The following ATP1B2 variants were observed in gnomAD, a reference collection of about 807,000 sequenced individuals.
ATP1B2 encodes ATPase Na+/K+ transporting subunit beta 2.
ATP1B2 carries 12 observed loss-of-function variants against 37.3 expected under a neutral mutation model. That is an observed-to-expected ratio of 0.32 (90% CI 0.21 to 0.52). The LOEUF is 0.52. Among genes scored for constraint, ATP1B2 ranks in the 20% least tolerant of loss-of-function variants. The pLI, the probability that ATP1B2 is intolerant of heterozygous loss-of-function variation, is 0.96. For synonymous variants in ATP1B2, 139 were observed against 140.5 expected, an observed-to-expected ratio of 0.99 and a Z score of 0.07; for missense variants, 324 against 391.6, an observed-to-expected ratio of 0.83 and a Z score of 1.46.
chr17:7,652,313 G>T (rs933659084), intron 1 of ATP1B2, among the ~76,000 whole-genome samples: 4 of 151,750 alleles, frequency 2.6e-5, no homozygotes, highest in African/African-American at 9.7e-5. Flanking sequence ...GGCTGACCAT[G>T]GCAGGACTCA....
upstream of ATP1B2, among the ~76,000 whole-genome samples, chr17:7,649,969 G>C (rs747003200): frequency 6.6e-6 from 1 of 152,192 alleles, no homozygotes; most frequent in Admixed American, 6.6e-5. Flanking sequence ...TGGGATTACA[G>C]GCATAAGCCA....
At position 7,655,005 on chromosome 17, in the gene ATP1B2, T is replaced by A. The variant is rs1408015827; in HGVS notation, c.609+321T>A. On this transcript the variant is annotated intron_variant, in intron 5 of 6. Coordinates refer to ENST00000250111, the MANE Select transcript of ATP1B2 (RefSeq NM_001678.5). This position sits in a 1 kb window ranked among gnomAD's most constrained non-coding sequence, Gnocchi z 4.4. ...TTCTCCTTCATTCCCAGATTGTCCG[T>A]ATCGTTCGCTCTCCCTCCCATATGG... Among the ~76,000 whole-genome samples the A allele has an allele frequency of 6.6e-6, 1 of 152,100 alleles. No homozygotes were observed. Among genetic ancestry groups the A allele is most frequent in the Non-Finnish European group, 1.5e-5 (1 of 68,010 alleles).
intron 2 of ATP1B2, 124 bp from the exon 3 acceptor site, chr17:7,653,717 A>G: frequency 8.0e-7 from 1 of 1,251,948 alleles, no homozygotes; most frequent in South Asian, 1.4e-5. Flanking sequence ...TCACCCTCCC[A>G]TGAAGACGAT....
Position 7,651,310 on chromosome 17 carries a change from C to A in ATP1B2, c.-209C>A. 2 of 574,886 alleles carry A rather than the reference C, an allele frequency of 3.5e-6. No homozygotes were observed. The highest frequency in any genetic ancestry group is 6.2e-6 in the Non-Finnish European group (2 of 321,442). 35.6% of individuals were successfully genotyped at this position (574,886 alleles called of 1,614,324 possible). ...TCATCGCAGTTGGGGGGCCTAGGAT[C>A]GGTGCATCTTCCGCCGCGCTGCCAG... On this transcript the variant is annotated 5_prime_UTR_variant, in exon 1 of 7. Transcript: ENST00000250111.
rs1229668658 is a variant in ATP1B2, at chr17:7,656,602, AG to A, written c.*709del. The A allele has an allele frequency of 1.3e-5, 2 of 152,460 alleles. No individual in the cohort carries two copies. Among genetic ancestry groups the A allele is most frequent in the Non-Finnish European group, 2.9e-5 (2 of 68,322 alleles). The allele number at this position is 152,460 out of a possible 1,614,324, so 9.4% of individuals were successfully genotyped here. A position where few individuals can be genotyped will look rare whatever the true frequency, so the allele number is the denominator to read the frequency against. On this transcript the variant is annotated 3_prime_UTR_variant, in exon 7 of 7. Transcript: ENST00000250111. ...GCTGGGAAATGAGGGACTGGAAGTGAGGCCTGTGTTGACCCTTCCTGAAAAT... is the reference window on the plus strand; with the variant it reads ...GCTGGGAAATGAGGGACTGGAAGTGAGCCTGTGTTGACCCTTCCTGAAAAT...
chr17:7,656,150 G>A lies in ATP1B2; in HGVS notation c.*255G>A. 9.4e-6 allele frequency: 5 copies of A among 532,570 alleles called. No individual in the cohort carries two copies. The highest frequency in any genetic ancestry group is 1.0e-5 in the Non-Finnish European group (3 of 296,228). The allele number at this position is 532,570 out of a possible 1,614,324, so 33.0% of individuals were successfully genotyped here. On this transcript the variant is annotated 3_prime_UTR_variant, in exon 7 of 7. Transcript: ENST00000250111. ...GCTGGGCTAAGATGGCCACGGAGGA[G>A]TTAGGAGCCTTTCTAGTTCTGGTTT...
rs762007551 is a variant in ATP1B2, at chr17:7,654,639, C to A, written c.564C>A (p.Phe188Leu). The A allele has an allele frequency of 5.0e-6, 8 of 1,614,154 alleles. No individual in the cohort carries two copies. In the South Asian group the frequency reaches 7.7e-5, roughly 16 times the overall value. ...CACCCTCACTCCAGGTCATCAACTT[C>A]TATGCAGGAGCAAACCAGAGCATGA... ...VFIKMNRVINFYAGANQSMNV... is the reference protein window; with the variant it reads ...VFIKMNRVINLYAGANQSMNV... The change falls in exon 5 of 7, where the codon TTC (phenylalanine) becomes TTA (leucine). Residue 188 changes from phenylalanine to leucine, a missense_variant. Coordinates refer to ENST00000250111, the MANE Select transcript of ATP1B2 (RefSeq NM_001678.5). This position sits in a 1 kb window ranked among gnomAD's most constrained non-coding sequence, Gnocchi z 4.9.
rs776398081 is a variant in ATP1B2 at position 7,651,551 on chromosome 17, G to A, written c.33G>A (p.Gly11=). 4 of 1,607,222 alleles carry A rather than the reference G, an allele frequency of 2.5e-6. No individual in the cohort carries two copies. The African/African-American group carries it at 4.0e-5, about 16-fold the overall frequency. The part of the protein sequence containing the change: MVIQKEKKSC[G]QVVEEWKEFV... ...TCCAGAAAGAGAAGAAGAGCTGCGG[G>A]CAGGTGGTTGAGGAGTGGAAGGAGT... is the stretch of plus-strand genomic sequence containing the variant. Residue 11 remains glycine, a synonymous_variant, in exon 1 of 7, where the codon GGG becomes GGA. Coordinates refer to ENST00000250111, the MANE Select transcript of ATP1B2 (RefSeq NM_001678.5).
chr17:7,651,946 C>T (rs1011457936), intron 1 of ATP1B2, among the ~76,000 whole-genome samples: 3 of 152,148 alleles, frequency 2.0e-5, no homozygotes, highest in African/African-American at 7.2e-5. Context: ...ACACGGGCGT[C>T]CCCCACCTCC....
upstream of ATP1B2, among the ~76,000 whole-genome samples, chr17:7,647,099 CAAAAAAAAAA>C (rs34937578): frequency 2.6e-5 from 2 of 78,312 alleles, no homozygotes; most frequent in East Asian, 3.3e-4. Context: ...GAGACTATCT[CAAAAAAAAAA>C]AAAAAAAAAA....
chr17:7,646,830 C>G (rs914709897), upstream of ATP1B2: 2 of 152,208 alleles, frequency 1.3e-5, no homozygotes, highest in Non-Finnish European at 2.9e-5. Flanking sequence ...GTAATTCCAG[C>G]ACTTTGAGTG....
Position 7,655,681 on chromosome 17 carries a change from G to A in ATP1B2, c.709-50G>A. On this transcript the variant is annotated intron_variant, in intron 6 of 6. Coordinates refer to ENST00000250111, the MANE Select transcript of ATP1B2 (RefSeq NM_001678.5). The surrounding 1 kb of genome is among the most constrained non-coding windows in gnomAD (Gnocchi z 4.4). ...CGGGTGCGGGTGGTGAGCTAGGGAA[G>A]GAGGCCGCGTTGCCCCAGGCCTAGA... 1 of 1,613,910 alleles carries A rather than the reference G, an allele frequency of 6.2e-7. No individual in the cohort carries two copies. Among genetic ancestry groups the A allele is most frequent in the Non-Finnish European group, 8.5e-7 (1 of 1,179,888 alleles).
rs930820805 is a variant in ATP1B2, at chr17:7,651,316, A to G, written c.-203A>G. On this transcript the variant is annotated 5_prime_UTR_variant, in exon 1 of 7. Transcript: ENST00000250111. ...CAGTTGGGGGGCCTAGGATCGGTGC[A>G]TCTTCCGCCGCGCTGCCAGCACCCC... 9 of 582,500 alleles carry G rather than the reference A, an allele frequency of 1.5e-5. No homozygotes were observed. Among genetic ancestry groups the G allele is most frequent in the African/African-American group, 1.5e-4 (8 of 52,664 alleles). The allele number at this position is 582,500 out of a possible 1,614,324, so 36.1% of individuals were successfully genotyped here.
In ATP1B2 at chr17:7,655,664, G is replaced by A; in HGVS notation, c.708+39G>A. 6.2e-7 allele frequency: 1 copy of A among 1,614,064 alleles called. No individual in the cohort carries two copies. The highest frequency in any genetic ancestry group is 1.1e-5 in the South Asian group (1 of 91,086). The stretch of plus-strand genomic sequence containing the variant: ...GAGGCCCAGGCTGATGGCGGGTGCG[G>A]GTGGTGAGCTAGGGAAGGAGGCCGC... On this transcript the variant is annotated intron_variant, in intron 6 of 6. Transcript: ENST00000250111. This position sits in a 1 kb window ranked among gnomAD's most constrained non-coding sequence, Gnocchi z 4.4.
rs1182156441 is a variant in ATP1B2, at chr17:7,655,625, C to T, written c.708C>T (p.His236=). 3.1e-6 allele frequency: 5 copies of T among 1,614,028 alleles called. No homozygotes were observed. The highest frequency in any genetic ancestry group is 2.2e-5 in the East Asian group (1 of 44,894). ...MYFPYYGKKF[H]VNYTQPLVAV... is the part of the protein sequence containing the mutation. ...TCCCCTACTATGGCAAAAAGTTCCA[C>T]GTAAGTCCCAGGGGAGGCCCAGGCT... Residue 236 remains histidine (H), a splice_region_variant and synonymous_variant, in exon 6 of 7, where the codon CAC becomes CAT. Transcript: ENST00000250111. The surrounding 1 kb of genome is among the most constrained non-coding windows in gnomAD (Gnocchi z 4.4).
intron 2 of ATP1B2, 103 bp downstream of exon 2, chr17:7,653,605 C>T: frequency 1.3e-6 from 2 of 1,515,086 alleles, no homozygotes; most frequent in Non-Finnish European, 1.8e-6. Flanking sequence ...TTTTGATGAC[C>T]CAATCCCCAC....
Position 7,655,394 on chromosome 17 carries a change from C to A in ATP1B2, c.610-133C>A. The A allele has an allele frequency of 2.5e-6, 2 of 800,392 alleles. No homozygotes were observed. Among genetic ancestry groups the A allele is most frequent in the Non-Finnish European group, 2.0e-6 (1 of 491,360 alleles). 49.6% of individuals were successfully genotyped at this position (800,392 alleles called of 1,614,324 possible). A position where few individuals can be genotyped will look rare whatever the true frequency, so the allele number is the denominator to read the frequency against. ...CAGACACACACACACAGACTCACAG[C>A]TCCAGGGAGGCAGACTTGAGACAGG... On this transcript the variant is annotated intron_variant, in intron 5 of 6. Coordinates refer to ENST00000250111, the MANE Select transcript of ATP1B2 (RefSeq NM_001678.5). This position sits in a 1 kb window ranked among gnomAD's most constrained non-coding sequence, Gnocchi z 4.4.
At position 7,651,264 on chromosome 17, in the gene ATP1B2, C is replaced by A; in HGVS notation, c.-255C>A. ...TACCCCTTCCTCTTGTTATTCTCCC[C>A]TGCTCTGACAGCACCCCTTTTCATC... On this transcript the variant is annotated 5_prime_UTR_variant, in exon 1 of 7. It adds an upstream start codon to the 5' untranslated region. Transcript: ENST00000250111. 2.0e-6 allele frequency: 1 copy of A among 507,634 alleles called. No homozygotes were observed. The highest frequency in any genetic ancestry group is 3.7e-5 in the East Asian group (1 of 27,200). 31.4% of individuals were successfully genotyped at this position (507,634 alleles called of 1,614,324 possible).
chr17:7,649,020 C>T (rs1485941067), upstream of ATP1B2, among the ~76,000 whole-genome samples: 1 of 152,006 alleles, frequency 6.6e-6, no homozygotes, highest in Non-Finnish European at 1.5e-5. Context: ...CCTTCAGAGG[C>T]CAGCCCCAAC....
Sources: gnomAD v4.1 joint callset for allele counts (sites outside exome capture counted in the v4.1 genomes callset) on GRCh38, gnomAD v4.1.1 for gene constraint, Gnocchi (gnomAD v3.1) non-coding constraint, MANE v1.5 for transcripts, NCBI Gene and HGNC (gene_info 2026-07-23, HGNC 2026-07-21) for gene names.